The following TMEM132D variants were observed in gnomAD, a reference collection of about 807,000 sequenced individuals.
TMEM132D encodes mature OL transmembrane protein.
TMEM132D carries 21 observed loss-of-function variants against 62.3 expected under a neutral mutation model. That is an observed-to-expected ratio of 0.34 (90% CI 0.24 to 0.49). The LOEUF is 0.49. Among genes scored for constraint, TMEM132D ranks in the 20% least tolerant of loss-of-function variants. TMEM132D has a pLI of 0.99. For missense variants in TMEM132D, 1,346 were observed against 1,402.8 expected (o/e 0.96, Z 0.65); for synonymous variants, 621 against 575.6 (o/e 1.08, Z -1.13).
chr12:129,404,035 G>A (rs925325008), intron 3 of TMEM132D, among the ~76,000 whole-genome samples: 1 of 152,078 alleles, frequency 6.6e-6, no homozygotes, highest in Non-Finnish European at 1.5e-5. Context: ...GAAAAAATGA[G>A]CCAGAAATTG....
chr12:129,354,313 G>A (rs1197338645), intron 3 of TMEM132D, among the ~76,000 whole-genome samples: 1 of 60,972 alleles, frequency 1.6e-5, no homozygotes, highest in African/African-American at 5.3e-5. Context: ...AAACTTTATT[G>A]GGTATATATA....
chr12:129,491,861 G>A (rs367886998), intron 3 of TMEM132D, among the ~76,000 whole-genome samples: 1 of 152,102 alleles, frequency 6.6e-6, no homozygotes, highest in East Asian at 1.9e-4. Context: ...AGAATCACTT[G>A]AACTCATGAG....
intron 5 of TMEM132D, among the ~76,000 whole-genome samples, chr12:129,174,807 A>T (rs9740015): frequency 0.49 from 74,201 of 152,060 alleles, 18,136 homozygotes; most frequent in East Asian, 0.63. Flanking sequence ...GTGGTTTTGA[A>T]TTGCATTTCT....
intron 5 of TMEM132D, among the ~76,000 whole-genome samples, chr12:129,152,897 C>T (rs1877115876): frequency 6.6e-6 from 1 of 152,142 alleles, no homozygotes; most frequent in African/African-American, 2.4e-5. Flanking sequence ...GCCAGGGTAT[C>T]TTTCTCCCTC....
intron 4 of TMEM132D, among the ~76,000 whole-genome samples, chr12:129,315,196 G>A (rs544935309): frequency 3.3e-5 from 5 of 152,172 alleles, no homozygotes; most frequent in Non-Finnish European, 5.9e-5. Context: ...GAGGAGTGGT[G>A]AGAGTGGGCA....
At chr12:129,186,793 A>G (rs1330043741) in intron 5 of TMEM132D, among the ~76,000 whole-genome samples, 1 of 152,250 alleles carries the variant, frequency 6.6e-6, no homozygotes, top group Non-Finnish European at 1.5e-5. Flanking sequence ...TTGCTAAATG[A>G]TAATAGCAAC....
intron 1 of TMEM132D, among the ~76,000 whole-genome samples, chr12:129,887,859 C>T (rs1021327119): frequency 2.0e-5 from 3 of 152,060 alleles, no homozygotes; most frequent in Middle Eastern, 3.2e-3. Context: ...AATGTATTCT[C>T]CCTAATTAAG....
intron 5 of TMEM132D, among the ~76,000 whole-genome samples, chr12:129,114,279 G>T (rs1033426337): frequency 1.3e-5 from 2 of 152,060 alleles, no homozygotes; most frequent in African/African-American, 2.4e-5. Flanking sequence ...TTAGCATCTG[G>T]TTAGTAAGGA....
chr12:129,243,189 A>G (rs1380047962), intron 4 of TMEM132D, among the ~76,000 whole-genome samples: 1 of 152,200 alleles, frequency 6.6e-6, no homozygotes, highest in Non-Finnish European at 1.5e-5. Context: ...TATAGTACCA[A>G]TCATTAAGTG....
At chr12:129,233,531 A>G (rs1211662735) in intron 4 of TMEM132D, among the ~76,000 whole-genome samples, 1 of 152,240 alleles carries the variant, frequency 6.6e-6, no homozygotes, top group Admixed American at 6.5e-5. Flanking sequence ...AGGAAGTCTG[A>G]AAAGAACAAG....
At chr12:129,208,222 G>C (rs1820913488) in intron 5 of TMEM132D, among the ~76,000 whole-genome samples, 1 of 152,196 alleles carries the variant, frequency 6.6e-6, no homozygotes, top group African/African-American at 2.4e-5. Context: ...AGGAGGGCTG[G>C]ATCCTGGCTA....
At chr12:129,570,899 T>A (rs1459938498) in intron 2 of TMEM132D, among the ~76,000 whole-genome samples, 1 of 152,156 alleles carries the variant, frequency 6.6e-6, no homozygotes, top group Non-Finnish European at 1.5e-5. Context: ...ACGGGCTTAG[T>A]AAACAATGAC....
chr12:129,318,506 T>C (rs1285104500), intron 4 of TMEM132D, among the ~76,000 whole-genome samples: 4 of 152,122 alleles, frequency 2.6e-5, no homozygotes, highest in African/African-American at 9.7e-5. Flanking sequence ...CATCTATGGG[T>C]CTCTCATCCA....
At chr12:129,166,317 C>T (rs73163119) in intron 5 of TMEM132D, among the ~76,000 whole-genome samples, 28 of 143,406 alleles carry the variant, frequency 2.0e-4, no homozygotes, top group South Asian at 4.3e-4. Context: ...GTCTAAAGGG[C>T]CACATATGTT....
chr12:129,474,341 T>C (rs746390537), intron 3 of TMEM132D, among the ~76,000 whole-genome samples: 2 of 152,248 alleles, frequency 1.3e-5, no homozygotes, highest in Non-Finnish European at 2.9e-5. Context: ...AAGTACTTTA[T>C]TACAATTAAT....
chr12:129,469,592 C>T (rs188569603), intron 3 of TMEM132D, among the ~76,000 whole-genome samples: 103 of 152,290 alleles, frequency 6.8e-4, no homozygotes, highest in African/African-American at 2.3e-3. Flanking sequence ...TCACTGAGCC[C>T]CTGCTCTGTC....
intron 1 of TMEM132D, among the ~76,000 whole-genome samples, chr12:129,844,611 C>T (rs145115120): frequency 6.6e-6 from 1 of 152,296 alleles, no homozygotes; most frequent in East Asian, 1.9e-4. Flanking sequence ...AGCCCTTATG[C>T]ACCTCTAAAT....
At chr12:129,538,720 C>A (rs1159629954) in intron 2 of TMEM132D, among the ~76,000 whole-genome samples, 1 of 152,210 alleles carries the variant, frequency 6.6e-6, no homozygotes, top group Non-Finnish European at 1.5e-5. Context: ...TGTATTCACC[C>A]TTTTTCTTAG....
At chr12:129,505,944 G>C (rs1875316343) in intron 3 of TMEM132D, among the ~76,000 whole-genome samples, 1 of 152,176 alleles carries the variant, frequency 6.6e-6, no homozygotes, top group Non-Finnish European at 1.5e-5. Flanking sequence ...CTTGAAGGCA[G>C]CAGATAGTTG....
Sources: gnomAD v4.1 joint callset for allele counts (sites outside exome capture counted in the v4.1 genomes callset) on GRCh38, gnomAD v4.1.1 for gene constraint, MANE v1.5 for transcripts, NCBI Gene and HGNC (gene_info 2026-07-23, HGNC 2026-07-21) for gene names.